CNTNAP3: variants seen among roughly 807,000 people sequenced by gnomAD.
CNTNAP3 encodes contactin associated protein family member 3, also known as contactin-associated protein-like 3.
CNTNAP3 carries 36 observed loss-of-function variants against 92.1 expected under a neutral mutation model. That is an observed-to-expected ratio of 0.39 (90% CI 0.30 to 0.52). The LOEUF is 0.52. Among genes scored for constraint, CNTNAP3 ranks in the 20% least tolerant of loss-of-function variants. CNTNAP3 has a pLI of 0.76. For missense variants in CNTNAP3, 534 were observed against 1,069.6 expected (o/e 0.50, Z 6.98); for synonymous variants, 232 against 422.3 (o/e 0.55, Z 5.53).
intron 13 of CNTNAP3, among the ~76,000 whole-genome samples, chr9:39,122,143 A>T (rs2117988747): frequency 6.6e-6 from 1 of 152,264 alleles, no homozygotes; most frequent in South Asian, 2.1e-4. Context: ...TCATGAGGTC[A>T]GGAGATCGAG....
chr9:39,133,313 C>T (rs1452806805), intron 12 of CNTNAP3, among the ~76,000 whole-genome samples, 178 bp from the exon 13 acceptor site: 1 of 152,126 alleles, frequency 6.6e-6, no homozygotes, highest in Non-Finnish European at 1.5e-5. Flanking sequence ...AACTCAGCCT[C>T]TAAGAGAAAG....
At chr9:39,128,887 A>AC in intron 13 of CNTNAP3, among the ~76,000 whole-genome samples, 1 of 150,916 alleles carries the variant, frequency 6.6e-6, no homozygotes, top group Non-Finnish European at 1.5e-5. Flanking sequence ...AATGTAAAGC[A>AC]CAACAGCACT....
chr9:39,152,447 A>C (rs1391695742), intron 9 of CNTNAP3, among the ~76,000 whole-genome samples: 1 of 145,154 alleles, frequency 6.9e-6, no homozygotes, highest in Non-Finnish European at 1.5e-5. Flanking sequence ...TATAAGTTTA[A>C]ATGGTACAGC....
At chr9:39,095,718 C>T (rs1826310193) in intron 18 of CNTNAP3, among the ~76,000 whole-genome samples, 1 of 142,644 alleles carries the variant, frequency 7.0e-6, no homozygotes, top group South Asian at 2.3e-4. Flanking sequence ...TATTTCACGA[C>T]AATGTTTTAT....
intron 12 of CNTNAP3, among the ~76,000 whole-genome samples, chr9:39,133,960 G>A (rs1417632614): frequency 6.6e-6 from 1 of 152,048 alleles, no homozygotes; most frequent in Admixed American, 6.6e-5. Flanking sequence ...AAAATTTTCC[G>A]AACTGGAGAA....
intron 21 of CNTNAP3, among the ~76,000 whole-genome samples, chr9:39,082,337 G>T (rs1825963969): frequency 6.6e-6 from 1 of 151,482 alleles, no homozygotes; most frequent in South Asian, 2.1e-4. Context: ...ACTGAATCCT[G>T]GTTAATGGAC....
intron 16 of CNTNAP3, 31 bp from the exon 17 acceptor site, chr9:39,102,746 G>A (rs1426322756): frequency 4.0e-6 from 3 of 754,610 alleles, no homozygotes; most frequent in Admixed American, 2.5e-5. Flanking sequence ...TATTGCTCAA[G>A]CAAATTCACA....
Position 39,140,580 on chromosome 9 carries a change from G to A in CNTNAP3, c.1815C>T (p.Tyr605=). The change falls in exon 12 of 24, where the codon TAC becomes TAT. Residue 605 remains tyrosine, a synonymous_variant. Coordinates refer to ENST00000297668, the MANE Select transcript of CNTNAP3 (RefSeq NM_033655.5). ...HKHRGNPSGL[Y]YIDADGSGPL... ...GGCCACTTCCATCTGCATCAATATA[G>A]TAAAGCCCAGACGGGTTCCCTCGGT... The A allele has an allele frequency of 6.2e-7, 1 of 1,613,752 alleles. No homozygotes were observed. The highest frequency in any genetic ancestry group is 2.2e-5 in the East Asian group (1 of 44,858).
chr9:39,117,166 A>G (rs1012489229), intron 14 of CNTNAP3, among the ~76,000 whole-genome samples: 6 of 151,770 alleles, frequency 4.0e-5, no homozygotes, highest in African/African-American at 1.5e-4. Flanking sequence ...TAATTTTTGT[A>G]TTTTCAGTGG....
chr9:39,103,910 T>C lies in CNTNAP3; in HGVS notation c.2370A>G (p.Ser790=). Residue 790 remains serine, a synonymous_variant, in exon 16 of 24, where the codon TCA becomes TCG. Transcript: ENST00000297668. ...TGTTGAAGGAAGCTGAATTCCAGAA[T>C]GACTCTGTTTACAATAGAGAAAACG... The part of the protein sequence containing the change: ...LGPLLCRGDQ[S]FWNSASFNTE... 2 of 1,603,524 alleles carry C rather than the reference T, an allele frequency of 1.2e-6. No individual in the cohort carries two copies. Among genetic ancestry groups the C allele is most frequent in the Non-Finnish European group, 1.7e-6 (2 of 1,176,658 alleles).
At chr9:39,105,113 G>A (rs548422222) in intron 15 of CNTNAP3, among the ~76,000 whole-genome samples, 2 of 152,202 alleles carry the variant, frequency 1.3e-5, no homozygotes, top group Non-Finnish European at 2.9e-5. Context: ...ACATTAATTG[G>A]TTGACATGCC....
In CNTNAP3 at chr9:39,067,440, C is replaced by A. The variant is rs1825533076; in HGVS notation, c.*6450G>T. Among the ~76,000 whole-genome samples the A allele has an allele frequency of 6.6e-6, 1 of 152,302 alleles. No homozygotes were observed. The highest frequency in any genetic ancestry group is 2.1e-4 in the South Asian group (1 of 4,836). ...TTTGATGGAGTCTGGCTCTGTTGCC[C>A]AGGCTGGAGTGCAATGGCGCAATCT... On this transcript the variant is annotated 3_prime_UTR_variant, in exon 24 of 24. Transcript: ENST00000297668.
At chr9:39,128,724 G>T in intron 13 of CNTNAP3, among the ~76,000 whole-genome samples, 1 of 151,634 alleles carries the variant, frequency 6.6e-6, no homozygotes, top group Non-Finnish European at 1.5e-5. Flanking sequence ...AGATTGACGA[G>T]GCAGAAATAA....
chr9:39,141,877 A>T (rs1243020725), intron 11 of CNTNAP3, among the ~76,000 whole-genome samples: 62 of 152,292 alleles, frequency 4.1e-4, no homozygotes, highest in African/African-American at 1.4e-3. Flanking sequence ...ATTGAATACA[A>T]TTAATGAGTT....
chr9:39,106,026 G>A (rs1013331826), intron 15 of CNTNAP3, among the ~76,000 whole-genome samples: 3 of 149,466 alleles, frequency 2.0e-5, no homozygotes, highest in East Asian at 1.9e-4. Flanking sequence ...TCCTCAGTGA[G>A]AAGGTCACTC....
intron 10 of CNTNAP3, among the ~76,000 whole-genome samples, chr9:39,149,481 C>G (rs370115190): frequency 2.8e-4 from 42 of 151,558 alleles, no homozygotes; most frequent in African/African-American, 9.7e-4. Context: ...TCCCCAGTAG[C>G]TGGGACTACA....
intron 18 of CNTNAP3, chr9:39,099,686 C>T (rs936516792): frequency 3.7e-6 from 3 of 804,614 alleles, no homozygotes; most frequent in Non-Finnish European, 5.7e-6. Flanking sequence ...CTAGGGGTAA[C>T]CCAGAGATCT....
intron 9 of CNTNAP3, among the ~76,000 whole-genome samples, chr9:39,162,327 C>T (rs536104640): frequency 2.4e-4 from 5 of 20,456 alleles, no homozygotes; most frequent in African/African-American, 1.9e-3. Flanking sequence ...ATTTAAAAGG[C>T]GAAAAATAAC....
chr9:39,084,294 G>A (rs1204052143), intron 21 of CNTNAP3, among the ~76,000 whole-genome samples: 3 of 146,848 alleles, frequency 2.0e-5, no homozygotes, highest in Non-Finnish European at 4.4e-5. Flanking sequence ...CTGGGTTCAC[G>A]CCATTCTCCT....
Sources: gnomAD v4.1 joint callset for allele counts (sites outside exome capture counted in the v4.1 genomes callset) on GRCh38, gnomAD v4.1.1 for gene constraint, MANE v1.5 for transcripts, NCBI Gene and HGNC (gene_info 2026-07-23, HGNC 2026-07-21) for gene names.